Variants in VPS13D observed in about 807,000 individuals in gnomAD.
The protein encoded by VPS13D is vacuolar protein sorting 13 homolog D.
A neutral mutation model predicts 461.9 loss-of-function variants in VPS13D; 187 were observed. That is an observed-to-expected ratio of 0.40 (90% confidence interval 0.36 to 0.46). The LOEUF is 0.46. Ranked by LOEUF, VPS13D falls within the 20% of genes least tolerant of loss-of-function variation. VPS13D has a pLI of 0.60. For missense variants in VPS13D, 4,711 were observed against 5,364.9 expected (o/e 0.88, Z 3.81); for synonymous variants, 1,951 against 1,986.3 (o/e 0.98, Z 0.47).
intron 45 of VPS13D, 69 bp from the exon 46 acceptor site, chr1:12,349,095 T>C: frequency 6.2e-7 from 1 of 1,611,454 alleles, no homozygotes; most frequent in South Asian, 1.1e-5. Flanking sequence ...TCTTCTTTTG[T>C]CCTGAGATGG....
At chr1:12,357,366 C>T (rs1352743316) in intron 49 of VPS13D, among the ~76,000 whole-genome samples, 1 of 152,176 alleles carries the variant, frequency 6.6e-6, no homozygotes, top group Non-Finnish European at 1.5e-5. Context: ...ATGCAGCCAG[C>T]CTCTTGGCAT....
Position 12,497,651 on chromosome 1 carries a change from A to G in VPS13D, c.12794+20A>G. On this transcript the variant is annotated intron_variant, in intron 68 of 69. Transcript: ENST00000620676. ...CGAATTGTAAGTTAGAGCATGGGAA[A>G]CCAGCCCTGTGGGTCTACTGAGTTG... is the stretch of plus-strand genomic sequence containing the variant. The G allele has an allele frequency of 6.2e-7, 1 of 1,606,644 alleles. No individual in the cohort carries two copies. Among genetic ancestry groups the G allele is most frequent in the Non-Finnish European group, 8.5e-7 (1 of 1,177,348 alleles).
chr1:12,276,776 C>T lies in VPS13D; in HGVS notation c.3188C>T (p.Ala1063Val), dbSNP rs1422147054. ...GGAGCTACACTGAACGACCGATCAG[C>T]TACTAGTGTTTCACTTGACAAAATT... is the stretch of plus-strand genomic sequence containing the variant. ...TDGATLNDRS[A>V]TSVSLDKILT... The change falls in exon 19 of 70, where the codon GCT becomes GTT. Residue 1063 changes from alanine to valine, a missense_variant. Transcript: ENST00000620676. The surrounding 1 kb of genome is among the most constrained non-coding windows in gnomAD (Gnocchi z 4.5). 1.9e-6 allele frequency: 3 copies of T among 1,614,222 alleles called. No individual in the cohort carries two copies. Among genetic ancestry groups the T allele is most frequent in the Non-Finnish European group, 2.5e-6 (3 of 1,180,044 alleles).
At chr1:12,444,285 TA>T (rs1371000816) in intron 65 of VPS13D, among the ~76,000 whole-genome samples, 1 of 152,238 alleles carries the variant, frequency 6.6e-6, no homozygotes, top group Non-Finnish European at 1.5e-5. Context: ...CCTTCAAAGG[TA>T]ATGTGTCCTT....
chr1:12,363,102 A>G lies in VPS13D; in HGVS notation c.10303A>G (p.Thr3435Ala). The stretch of plus-strand genomic sequence containing the variant: ...AGCCAATCCCGAAGGTTACATTTCC[A>G]CCCTTCCTGGTTCCAGTGTGGTGTT... ...GTANPEGYIS[T>A]LPGSSVVFHW... Residue 3435 changes from threonine (T) to alanine (A), a missense_variant, in exon 52 of 70, where the codon ACC (threonine) becomes GCC (alanine). Transcript: ENST00000620676. 6.2e-7 allele frequency: 1 copy of G among 1,613,968 alleles called. No homozygotes were observed. The highest frequency in any genetic ancestry group is 8.5e-7 in the Non-Finnish European group (1 of 1,180,000).
At chr1:12,407,580 G>A (rs894574040) in intron 63 of VPS13D, among the ~76,000 whole-genome samples, 3 of 152,138 alleles carry the variant, frequency 2.0e-5, no homozygotes, top group Non-Finnish European at 2.9e-5. Flanking sequence ...TGTTTGGCTC[G>A]TTCCCTCATC....
intron 58 of VPS13D, 58 bp from the exon 59 acceptor site, chr1:12,385,202 A>C: frequency 7.1e-7 from 1 of 1,401,872 alleles, no homozygotes; most frequent in Non-Finnish European, 1.0e-6. Context: ...TCTGGGTTAG[A>C]ATAGGTTTCA....
At chr1:12,306,434 G>A (rs1175971232) in intron 26 of VPS13D, among the ~76,000 whole-genome samples, 2 of 152,166 alleles carry the variant, frequency 1.3e-5, no homozygotes, top group South Asian at 2.1e-4. Context: ...AGGGCCACTC[G>A]GCATATGGTG....
intron 65 of VPS13D, among the ~76,000 whole-genome samples, chr1:12,452,935 A>C (rs1269671621): frequency 1.3e-5 from 2 of 152,222 alleles, no homozygotes; most frequent in Admixed American, 1.3e-4. Context: ...TGGACAGAGA[A>C]ACAGGAATTC....
At chr1:12,407,764 G>A (rs1358209129) in intron 63 of VPS13D, among the ~76,000 whole-genome samples, 3 of 151,948 alleles carry the variant, frequency 2.0e-5, no homozygotes, top group Non-Finnish European at 4.4e-5. Flanking sequence ...TTAGTCATTC[G>A]GAAAGGTAAT....
At position 12,318,363 on chromosome 1, in the gene VPS13D, T is replaced by C. The variant is rs571070496; in HGVS notation, c.7414+26T>C. ...GTGATTATATGTGGGTGTGATTCAT[T>C]GGTGCTTAGTTTGGATGTTAGGCTC... On this transcript the variant is annotated intron_variant, in intron 31 of 69. Transcript: ENST00000620676. 16 of 1,590,188 alleles carry C rather than the reference T, an allele frequency of 1.0e-5. No homozygotes were observed. The African/African-American group carries it at 2.0e-4, about 20-fold the overall frequency.
rs1340880441 is a variant in VPS13D at position 12,346,623 on chromosome 1, A to G, written c.9040A>G (p.Arg3014Gly). ...SSSTIGSPSS[R>G]TNIIHPQVYF... Reference sequence around the variant, plus strand: ...TTTTCAGATTGGCAGCCCAAGCAGCAGAACAAATATTATACATCCCCAGGT... The same window carrying G: ...TTTTCAGATTGGCAGCCCAAGCAGCGGAACAAATATTATACATCCCCAGGT... The change falls in exon 44 of 70, where the codon AGA becomes GGA. Residue 3014 changes from arginine (R) to glycine (G), a missense_variant. Arg to Gly is a moderately radical substitution (Grantham distance 125). This residue lies in a region of VPS13D where 4,411 missense variants were observed against 4,937.8 expected (regional missense o/e 0.89). Transcript: ENST00000620676. The G allele has an allele frequency of 1.2e-6, 2 of 1,613,572 alleles. No homozygotes were observed. Among genetic ancestry groups the G allele is most frequent in the Non-Finnish European group, 8.5e-7 (1 of 1,179,864 alleles).
At chr1:12,469,006 C>G (rs374540213) in intron 67 of VPS13D, among the ~76,000 whole-genome samples, 1 of 151,412 alleles carries the variant, frequency 6.6e-6, no homozygotes, top group African/African-American at 2.4e-5. Context: ...TGCACTCCAG[C>G]CTGGGTGATG....
intron 3 of VPS13D, among the ~76,000 whole-genome samples, chr1:12,242,979 G>A (rs910304961): frequency 6.8e-6 from 1 of 147,004 alleles, no homozygotes; most frequent in African/African-American, 2.5e-5. Context: ...TTCAGATGGA[G>A]TCTCGCTCTG....
chr1:12,328,819 A>G (rs1643258476), intron 36 of VPS13D, among the ~76,000 whole-genome samples: 1 of 152,120 alleles, frequency 6.6e-6, no homozygotes, highest in Admixed American at 6.5e-5. Flanking sequence ...GATTACAGGC[A>G]TGAGCCACCG....
chr1:12,396,002 T>G (rs1012160065), intron 60 of VPS13D, among the ~76,000 whole-genome samples: 21 of 125,306 alleles, frequency 1.7e-4, no homozygotes, highest in African/African-American at 7.3e-4. Flanking sequence ...AGGAGATATA[T>G]ATATATATAT....
chr1:12,494,261 G>A (rs1645926266), intron 67 of VPS13D, among the ~76,000 whole-genome samples: 1 of 152,178 alleles, frequency 6.6e-6, no homozygotes, highest in African/African-American at 2.4e-5. Context: ...CATAATGATA[G>A]TCAGTGTGTA....
chr1:12,353,393 C>A (rs530425327), intron 46 of VPS13D, among the ~76,000 whole-genome samples: 1 of 151,746 alleles, frequency 6.6e-6, no homozygotes, highest in Non-Finnish European at 1.5e-5. Context: ...ATTAGCTGGA[C>A]GTGGTGGTGG....
chr1:12,407,911 TC>T (rs1299558975), intron 63 of VPS13D, among the ~76,000 whole-genome samples: 1 of 152,210 alleles, frequency 6.6e-6, no homozygotes. Flanking sequence ...TTTGTTTTGA[TC>T]TCATTTTCTC....
Sources: allele counts gnomAD v4.1 joint callset (sites outside exome capture counted in the v4.1 genomes callset), GRCh38; gene constraint gnomAD v4.1.1; regional missense constraint gnomAD v4.1.1; non-coding constraint Gnocchi (gnomAD v3.1); transcripts MANE v1.5; gene names NCBI Gene and HGNC (gene_info 2026-07-23, HGNC 2026-07-21).